Variants in CHSY1 observed in about 807,000 individuals in gnomAD.
The protein encoded by CHSY1 is chondroitin sulfate synthase 1, also known as N-acetylgalactosaminyl-proteoglycan 3-beta-glucuronosyltransferase 1.
A neutral mutation model predicts 59.8 loss-of-function variants in CHSY1; 13 were observed. The ratio of observed to expected loss-of-function variants is 0.22; its 90% CI spans 0.14 to 0.35. The LOEUF is 0.35. Ranked by LOEUF, CHSY1 falls within the 10% of genes least tolerant of loss-of-function variation. The pLI, the probability that CHSY1 is intolerant of heterozygous loss-of-function variation, is 1.00. For synonymous variants in CHSY1, 459 were observed against 401.2 expected, an observed-to-expected ratio of 1.14 and a Z score of -1.72; for missense variants, 947 against 1,030.6, an observed-to-expected ratio of 0.92 and a Z score of 1.11.
intron 2 of CHSY1, among the ~76,000 whole-genome samples, chr15:101,181,143 G>A (rs77586926): frequency 1.0e-3 from 153 of 152,286 alleles, no homozygotes; most frequent in African/African-American, 3.5e-3. Context: ...CCTTTGTAAC[G>A]TGACTTAAGT....
intron 1 of CHSY1, among the ~76,000 whole-genome samples, chr15:101,236,311 G>A (rs2038941801): frequency 6.6e-6 from 1 of 152,200 alleles, no homozygotes; most frequent in Non-Finnish European, 1.5e-5. Flanking sequence ...TGTTGCGGGA[G>A]GGACCCAGGG....
intron 2 of CHSY1, among the ~76,000 whole-genome samples, chr15:101,194,887 T>C (rs910483107): frequency 6.6e-6 from 1 of 152,222 alleles, no homozygotes; most frequent in African/African-American, 2.4e-5. Flanking sequence ...ACACTTCTGA[T>C]GCCAAGAAGA....
intron 2 of CHSY1, among the ~76,000 whole-genome samples, chr15:101,196,265 A>G (rs546633323): frequency 6.6e-6 from 1 of 152,026 alleles, no homozygotes; most frequent in South Asian, 2.1e-4. Context: ...TAAAATAAGC[A>G]TACCCTAACT....
rs965326152 is a variant in CHSY1 at position 101,251,311 on chromosome 15, C to G, written c.146G>C (p.Arg49Pro). ...PRRRASPEGC[R>P]SGQAAASQAG... ...CTGGGAAGCCGCCGCCTGCCCGGAC[C>G]GGCAGCCCTCGGGGCTGGCGCGGCG... The change falls in exon 1 of 3, where the codon CGG (arginine) becomes CCG (proline). Residue 49 changes from arginine to proline, a missense_variant. Coordinates refer to ENST00000254190, the MANE Select transcript of CHSY1 (RefSeq NM_014918.5). 2.2e-5 allele frequency: 25 copies of G among 1,137,276 alleles called. No homozygotes were observed. The highest frequency in any genetic ancestry group is 2.4e-5 in the Non-Finnish European group (22 of 928,634). The allele number at this position is 1,137,276 out of a possible 1,614,324, so 70.4% of individuals were successfully genotyped here. A position where few individuals can be genotyped will look rare whatever the true frequency, so the allele number is the denominator to read the frequency against.
rs940874764 is a variant in CHSY1 at position 101,176,211 on chromosome 15, T to C, written c.*1177A>G. ...ACAGGTACTCAAGAAATGGCAGAGC[T>C]CTGAACAACAGATATTAAATAAATT... On this transcript the variant is annotated 3_prime_UTR_variant, in exon 3 of 3. Coordinates refer to ENST00000254190, the MANE Select transcript of CHSY1 (RefSeq NM_014918.5). 1 of 398,476 alleles carries C rather than the reference T, an allele frequency of 2.5e-6. No individual in the cohort carries two copies. Among genetic ancestry groups the C allele is most frequent in the Non-Finnish European group, 4.4e-6 (1 of 225,978 alleles). 24.7% of individuals were successfully genotyped at this position (398,476 alleles called of 1,614,324 possible).
At chr15:101,233,843 A>T (rs1291121825) in intron 2 of CHSY1, among the ~76,000 whole-genome samples, 1 of 152,248 alleles carries the variant, frequency 6.6e-6, no homozygotes, top group African/African-American at 2.4e-5. Context: ...CTAGGGGTGG[A>T]CAAGTACAGG....
At chr15:101,200,362 C>T (rs181596562) in intron 2 of CHSY1, among the ~76,000 whole-genome samples, 20 of 152,340 alleles carry the variant, frequency 1.3e-4, no homozygotes, top group East Asian at 5.8e-4. Context: ...GAAGAAGACA[C>T]GGGCTGGAGC....
At chr15:101,235,893 C>G (rs2038935943) in intron 1 of CHSY1, among the ~76,000 whole-genome samples, 4 of 152,100 alleles carry the variant, frequency 2.6e-5, no homozygotes, top group African/African-American at 9.7e-5. Flanking sequence ...ACTATCAACT[C>G]CCTACCTAAG....
chr15:101,251,072 C>G (rs2039104309), intron 1 of CHSY1, 65 bp downstream of exon 1: 1 of 1,453,912 alleles, frequency 6.9e-7, no homozygotes, highest in African/African-American at 1.4e-5. Flanking sequence ...GCCAGGAGAG[C>G]ACCCGGGATG....
chr15:101,242,077 T>C (rs79160123), intron 1 of CHSY1, among the ~76,000 whole-genome samples: 3,044 of 152,280 alleles, frequency 0.02, 74 homozygotes, highest in East Asian at 0.068. Flanking sequence ...TCCCCCCAAA[T>C]ATTTTCAATC....
chr15:101,250,294 CT>C (rs1243150182), intron 1 of CHSY1, among the ~76,000 whole-genome samples: 3 of 152,214 alleles, frequency 2.0e-5, no homozygotes, highest in Non-Finnish European at 4.4e-5. Context: ...CATCAAATCC[CT>C]TTATCGAGTC....
intron 2 of CHSY1, among the ~76,000 whole-genome samples, chr15:101,222,325 G>C (rs942567396): frequency 6.6e-6 from 1 of 152,140 alleles, no homozygotes; most frequent in Admixed American, 6.5e-5. Flanking sequence ...ATTATCTCTT[G>C]GTTCTAGCCA....
At chr15:101,201,227 T>C (rs999691418) in intron 2 of CHSY1, among the ~76,000 whole-genome samples, 4 of 152,308 alleles carry the variant, frequency 2.6e-5, no homozygotes, top group Non-Finnish European at 5.9e-5. Context: ...AGTAGAATCA[T>C]CTGAGATTGT....
At chr15:101,182,237 G>A (rs1425683179) in intron 2 of CHSY1, among the ~76,000 whole-genome samples, 1 of 152,184 alleles carries the variant, frequency 6.6e-6, no homozygotes, top group Admixed American at 6.5e-5. Flanking sequence ...GTTATTCGAG[G>A]TTCACAGTAT....
At chr15:101,182,398 G>C (rs1190050348) in intron 2 of CHSY1, among the ~76,000 whole-genome samples, 1 of 152,232 alleles carries the variant, frequency 6.6e-6, no homozygotes, top group African/African-American at 2.4e-5. Flanking sequence ...GCTCACCACA[G>C]TGGCAACAGG....
intron 2 of CHSY1, among the ~76,000 whole-genome samples, chr15:101,216,624 T>G (rs2038735997): frequency 6.6e-6 from 1 of 152,136 alleles, no homozygotes; most frequent in Non-Finnish European, 1.5e-5. Context: ...GAATCCAGTA[T>G]GAAAGAGCTA....
At chr15:101,196,849 C>A (rs1166315258) in intron 2 of CHSY1, among the ~76,000 whole-genome samples, 4 of 152,112 alleles carry the variant, frequency 2.6e-5, no homozygotes, top group Non-Finnish European at 5.9e-5. Context: ...TATAGCAAGA[C>A]CTCATTTGTA....
intron 2 of CHSY1, among the ~76,000 whole-genome samples, chr15:101,217,797 T>C (rs79665833): frequency 3.3e-5 from 5 of 152,098 alleles, no homozygotes; most frequent in Admixed American, 6.5e-5. Context: ...AGAAATCACA[T>C]AGATATTCCA....
intron 1 of CHSY1, among the ~76,000 whole-genome samples, chr15:101,237,634 G>A (rs1451913248): frequency 6.6e-6 from 1 of 152,198 alleles, no homozygotes; most frequent in Non-Finnish European, 1.5e-5. Context: ...CATCGACAGA[G>A]GGAAGATGAG....
Sources: allele counts gnomAD v4.1 joint callset (sites outside exome capture counted in the v4.1 genomes callset), GRCh38; gene constraint gnomAD v4.1.1; transcripts MANE v1.5; gene names NCBI Gene and HGNC (gene_info 2026-07-23, HGNC 2026-07-21).